The following SAMD14 variants were observed in gnomAD, a reference collection of about 807,000 sequenced individuals.
SAMD14 encodes sterile alpha motif domain-containing protein 14.
A neutral mutation model predicts 46.2 loss-of-function variants in SAMD14; 27 were observed. The ratio of observed to expected loss-of-function variants is 0.58; its 90% CI spans 0.43 to 0.81. The LOEUF is 0.81. Among genes scored for constraint, SAMD14 ranks in the 30% least tolerant of loss-of-function variants. The pLI is 0.00. For missense variants in SAMD14, 559 were observed against 582.2 expected, an observed-to-expected ratio of 0.96 and a Z score of 0.41; for synonymous variants, 241 against 254.3, an observed-to-expected ratio of 0.95 and a Z score of 0.50.
intron 1 of SAMD14, among the ~76,000 whole-genome samples, chr17:50,127,968 T>G (rs1911854249): frequency 1.3e-5 from 2 of 152,172 alleles, no homozygotes; most frequent in Admixed American, 1.3e-4. Context: ...TGGGGAATTC[T>G]TCATACTTCA....
Position 50,129,143 on chromosome 17 carries a change from G to C in SAMD14, c.-13+374C>G, listed in dbSNP as rs377429997. On this transcript the variant is annotated intron_variant, in intron 1 of 9. Coordinates refer to ENST00000330175, the MANE Select transcript of SAMD14 (RefSeq NM_001257359.2). The surrounding 1 kb of genome is among the most constrained non-coding windows in gnomAD (Gnocchi z 5.6). ...AAAGCACTGTTGGAGATGGGGTGAG[G>C]TTGGGGACAGGGCACCTACTCCACT... Among the ~76,000 whole-genome samples the C allele has an allele frequency of 2.2e-4, 34 of 152,218 alleles. No individual in the cohort carries two copies. The East Asian group carries it at 6.0e-3, about 27-fold the overall frequency.
intron 9 of SAMD14, chr17:50,113,272 G>A (rs566610393): frequency 1.4e-4 from 74 of 538,126 alleles, no homozygotes; most frequent in African/African-American, 8.4e-4. Flanking sequence ...GGTATTAGGC[G>A]CTTCCTCCTC....
chr17:50,129,540 G>A lies in SAMD14; in HGVS notation c.-36C>T. 1 of 152,398 alleles carries A rather than the reference G, an allele frequency of 6.6e-6. No individual in the cohort carries two copies. Among genetic ancestry groups the A allele is most frequent in the African/African-American group, 2.4e-5 (1 of 41,572 alleles). 9.4% of individuals were successfully genotyped at this position (152,398 alleles called of 1,614,324 possible). A position where few individuals can be genotyped will look rare whatever the true frequency, so the allele number is the denominator to read the frequency against. On this transcript the variant is annotated 5_prime_UTR_variant, in exon 1 of 10. It adds an upstream start codon to the 5' untranslated region. Coordinates refer to ENST00000330175, the MANE Select transcript of SAMD14 (RefSeq NM_001257359.2). This position sits in a 1 kb window ranked among gnomAD's most constrained non-coding sequence, Gnocchi z 5.6. ...ACCTCCGGCATCGGTCATCTTCAGC[G>A]TCTGGCGCCCCGGGAACCCCTCAGG...
chr17:50,125,043 G>A, intron 1 of SAMD14, 72 bp from the exon 2 acceptor site: 2 of 1,425,418 alleles, frequency 1.4e-6, no homozygotes, highest in East Asian at 4.5e-5. Context: ...CGAGGCAGAA[G>A]AGATGTGGAA....
chr17:50,122,181 G>A (rs1013126652), intron 2 of SAMD14, among the ~76,000 whole-genome samples: 1 of 152,044 alleles, frequency 6.6e-6, no homozygotes, highest in African/African-American at 2.4e-5. Context: ...TCTGACAGCC[G>A]CACCACACTA....
chr17:50,114,593 C>G, intron 7 of SAMD14: 1 of 662,994 alleles, frequency 1.5e-6, no homozygotes. Context: ...ACAGGCAGAC[C>G]ACCGAGATTC....
At chr17:50,118,134 A>T in intron 3 of SAMD14, 27 bp downstream of exon 3, 1 of 1,561,606 alleles carries the variant, frequency 6.4e-7, no homozygotes, top group Non-Finnish European at 8.7e-7. Flanking sequence ...GGGAGGGTGT[A>T]TATGTGTTTT....
intron 4 of SAMD14, chr17:50,116,378 T>C (rs991734770): frequency 6.5e-5 from 20 of 305,752 alleles, no homozygotes; most frequent in African/African-American, 3.9e-4. Flanking sequence ...CACTACCATT[T>C]ACTCAATTTT....
chr17:50,125,005 A>AGAGCCTGGGTTAG (rs1567723283), intron 1 of SAMD14, 34 bp from the exon 2 acceptor site: 1 of 1,602,682 alleles, frequency 6.2e-7, no homozygotes, highest in South Asian at 1.1e-5. Flanking sequence ...AAAGAAAAAG[A>AGAGCCTGGGTTAG]GAGCCTGGGT....
chr17:50,114,104 G>A (rs766122306), intron 8 of SAMD14, 25 bp from the exon 9 acceptor site: 1 of 1,613,788 alleles, frequency 6.2e-7, no homozygotes, highest in South Asian at 1.1e-5. Flanking sequence ...AGGAGAGTGA[G>A]GGGGAGGCTT....
intron 2 of SAMD14, chr17:50,124,087 C>G (rs1911631343): frequency 2.2e-6 from 1 of 456,190 alleles, no homozygotes; most frequent in Non-Finnish European, 4.4e-6. Flanking sequence ...CTCTCACCCT[C>G]TCCCTCATTC....
At chr17:50,113,803 G>T in intron 9 of SAMD14, 121 bp downstream of exon 9, 2 of 1,172,120 alleles carry the variant, frequency 1.7e-6, no homozygotes, top group Non-Finnish European at 1.2e-6. Context: ...GCCACAGATG[G>T]AGTGAAAAGG....
chr17:50,124,771 G>GCGCACACACACACACA (rs71353620), intron 2 of SAMD14, 146 bp downstream of exon 2: 46 of 569,676 alleles, frequency 8.1e-5, no homozygotes, highest in Admixed American at 7.4e-4. Flanking sequence ...ACGCGCGCGC[G>GCGCACACACACACACA]CACACACACA....
chr17:50,117,605 C>G lies in SAMD14; in HGVS notation c.301G>C (p.Asp101His). 6.4e-7 allele frequency: 1 copy of G among 1,556,574 alleles called. No homozygotes were observed. ...GSPAGGSFCL[D>H]PPGLRRSLDE... is the part of the protein sequence containing the mutation. ...AGGCTGCGCCGCAACCCCGGAGGATCCAGGCAGAAAGAGCCCCCGGCCGGG... is the reference window on the plus strand; with the variant it reads ...AGGCTGCGCCGCAACCCCGGAGGATGCAGGCAGAAAGAGCCCCCGGCCGGG... Residue 101 changes from aspartate (D) to histidine (H), a missense_variant, in exon 4 of 10, where the codon GAT becomes CAT. By Grantham distance (81) the Asp-to-His change is moderately conservative (BLOSUM62 -1). Transcript: ENST00000330175.
chr17:50,124,192 C>T (rs552063553), intron 2 of SAMD14: 24 of 456,208 alleles, frequency 5.3e-5, no homozygotes, highest in South Asian at 2.8e-4. Context: ...GGGAACTCTG[C>T]CCAGCTGGGG....
rs1254733186 is a variant in SAMD14 at position 50,115,810 on chromosome 17, C to T, written c.662+20G>A. ...GCCAGGGGCGGGAGCTGTGGGTGGG[C>T]CGCCATGGGCACCTCTCACCTGCTG... On this transcript the variant is annotated intron_variant, in intron 6 of 9. Transcript: ENST00000330175. This position sits in a 1 kb window ranked among gnomAD's most constrained non-coding sequence, Gnocchi z 5.3. The T allele has an allele frequency of 1.2e-6, 2 of 1,612,482 alleles. No homozygotes were observed. The highest frequency in any genetic ancestry group is 1.7e-6 in the Non-Finnish European group (2 of 1,179,862).
rs1910843364 is a variant in SAMD14 at position 50,111,522 on chromosome 17, G to A, written c.*1371C>T. The A allele has an allele frequency of 1.3e-5, 2 of 152,270 alleles. No homozygotes were observed. The allele number at this position is 152,270 out of a possible 1,614,324, so 9.4% of individuals were successfully genotyped here. A position where few individuals can be genotyped will look rare whatever the true frequency, so the allele number is the denominator to read the frequency against. ...CTCTCCCAGCACAGATAGCAGAGGG[G>A]GGATAAGGGCTGAGTCCCAGGTACA... On this transcript the variant is annotated 3_prime_UTR_variant, in exon 10 of 10. Coordinates refer to ENST00000330175, the MANE Select transcript of SAMD14 (RefSeq NM_001257359.2).
chr17:50,113,059 G>T lies in SAMD14; in HGVS notation c.1099-11C>A. On this transcript the variant is annotated splice_polypyrimidine_tract_variant and intron_variant, in intron 9 of 9. Transcript: ENST00000330175. Reference sequence around the variant, plus strand: ...GCTGAGCCCCAGGCTCTGGGGAGGAGTCCGGGGTGAGGGAGAGAGTCCCAG... The same window carrying T: ...GCTGAGCCCCAGGCTCTGGGGAGGATTCCGGGGTGAGGGAGAGAGTCCCAG... 1 of 1,610,574 alleles carries T rather than the reference G, an allele frequency of 6.2e-7. No homozygotes were observed. The highest frequency in any genetic ancestry group is 8.5e-7 in the Non-Finnish European group (1 of 1,179,908).
chr17:50,118,278 G>C lies in SAMD14; in HGVS notation c.93C>G (p.His31Gln). The change falls in exon 3 of 10, where the codon CAC becomes CAG. Residue 31 changes from histidine (H) to glutamine (Q), a missense_variant. His to Gln is a conservative substitution (Grantham distance 24). Coordinates refer to ENST00000330175, the MANE Select transcript of SAMD14 (RefSeq NM_001257359.2). ...PETARLDSSL[H>Q]KARAQLLAKG... is the part of the protein sequence containing the mutation. ...TGGCCAACAGTTGGGCCCGGGCCTT[G>C]TGTAAACTGCTGTCCAGTCTGGCCG... is the stretch of plus-strand genomic sequence containing the variant. 1 of 1,613,962 alleles carries C rather than the reference G, an allele frequency of 6.2e-7. No individual in the cohort carries two copies. Among genetic ancestry groups the C allele is most frequent in the Non-Finnish European group, 8.5e-7 (1 of 1,180,026 alleles).
Sources: gnomAD v4.1 joint callset for allele counts (sites outside exome capture counted in the v4.1 genomes callset) on GRCh38, gnomAD v4.1.1 for gene constraint, Gnocchi (gnomAD v3.1) non-coding constraint, MANE v1.5 for transcripts, NCBI Gene and HGNC (gene_info 2026-07-23, HGNC 2026-07-21) for gene names.